Variants in ME1 observed in about 807,000 individuals in gnomAD.
ME1 encodes the protein malic enzyme 1.
Under a neutral mutation model 66.4 loss-of-function variants are expected in ME1, and 74 were observed. That is an observed-to-expected ratio of 1.11 (90% CI 0.92 to 1.35). The LOEUF (loss-of-function observed/expected upper bound fraction) is 1.35, where lower values mean the gene tolerates loss of function less well. ME1 is among the 40% of genes most tolerant of loss of function. ME1 has a pLI of 0.00. For synonymous variants in ME1, 251 were observed against 235.6 expected (o/e 1.07, Z -0.60); for missense variants, 750 against 694.1 (o/e 1.08, Z -0.90).
chr6:83,341,417 C>T (rs767348293), intron 5 of ME1, among the ~76,000 whole-genome samples: 41 of 152,044 alleles, frequency 2.7e-4, no homozygotes, highest in African/African-American at 8.2e-4. Flanking sequence ...AAGTTGGTTT[C>T]GGGAAGCTCT....
intron 7 of ME1, among the ~76,000 whole-genome samples, chr6:83,252,699 A>G (rs1019416284): frequency 5.3e-5 from 8 of 152,210 alleles, no homozygotes; most frequent in African/African-American, 1.7e-4. Flanking sequence ...ACCTAAGAAC[A>G]TACAGCAGAA....
chr6:83,288,601 T>C (rs1767441446), intron 6 of ME1, among the ~76,000 whole-genome samples: 1 of 152,196 alleles, frequency 6.6e-6, no homozygotes, highest in East Asian at 1.9e-4. Context: ...TGCCTCCAGC[T>C]TTGTTCTTCT....
chr6:83,332,038 A>G (rs1424082980), intron 5 of ME1, among the ~76,000 whole-genome samples: 10 of 152,230 alleles, frequency 6.6e-5, no homozygotes, highest in Admixed American at 2.6e-4. Context: ...GACATGTTCT[A>G]AAGAAAATTT....
chr6:83,430,988 G>T lies in ME1; in HGVS notation c.-34C>A. On this transcript the variant is annotated 5_prime_UTR_variant, in exon 1 of 14. Coordinates refer to ENST00000369705, the MANE Select transcript of ME1 (RefSeq NM_002395.6). Reference sequence around the variant, plus strand: ...CCGGGTTCGGCGGCGGGGTCAGGCCGGGGCGGGCCGCACGCGCGGTGCAGG... The same window carrying T: ...CCGGGTTCGGCGGCGGGGTCAGGCCTGGGCGGGCCGCACGCGCGGTGCAGG... 6.5e-6 allele frequency: 9 copies of T among 1,384,242 alleles called. No individual in the cohort carries two copies. The highest frequency in any genetic ancestry group is 8.6e-6 in the Non-Finnish European group (9 of 1,049,106). The allele number at this position is 1,384,242 out of a possible 1,614,324, so 85.7% of individuals were successfully genotyped here.
intron 1 of ME1, among the ~76,000 whole-genome samples, chr6:83,417,793 T>C (rs867741259): frequency 6.6e-5 from 10 of 152,200 alleles, no homozygotes; most frequent in Admixed American, 1.3e-4. Context: ...AAATATATTA[T>C]CTTGCTATAT....
At chr6:83,352,026 G>C (rs1014087656) in intron 4 of ME1, 38 bp downstream of exon 4, 1 of 1,371,090 alleles carries the variant, frequency 7.3e-7, no homozygotes, top group South Asian at 1.3e-5. Flanking sequence ...ACAGAAAAAA[G>C]AAAAAATTTG....
In ME1 at chr6:83,238,799, AATAT is replaced by A. The variant is rs34022791; in HGVS notation, c.912+736_912+739del. On this transcript the variant is annotated intron_variant, in intron 8 of 13. Coordinates refer to ENST00000369705, the MANE Select transcript of ME1 (RefSeq NM_002395.6). ...TTTGAAAATTTAAAGTTTCTTGAAA[AATAT>A]ATATATATATATATATAGCCACAAA... Among the ~76,000 whole-genome samples, 51 of 139,298 alleles carry A rather than the reference AATAT, an allele frequency of 3.7e-4. 3 individuals are homozygous for A. The highest frequency in any genetic ancestry group is 4.9e-4 in the Non-Finnish European group (31 of 63,570). The allele number at this position is 139,298 out of a possible 152,430, so 91.4% of individuals were successfully genotyped here.
chr6:83,394,483 T>C (rs1272905737), intron 3 of ME1, among the ~76,000 whole-genome samples: 1 of 152,200 alleles, frequency 6.6e-6, no homozygotes, highest in Admixed American at 6.5e-5. Flanking sequence ...CAACTATAGT[T>C]ACTTATCTAA....
At position 83,327,344 on chromosome 6, in the gene ME1, G is replaced by A. The variant is rs188085117; in HGVS notation, c.601-11931C>T. ...CCATTGGTGAGCTGGGCAGAACAGA[G>A]GCATATTTCTCTTCTTTCAAAAGCG... On this transcript the variant is annotated intron_variant, in intron 5 of 13. Transcript: ENST00000369705. Among the ~76,000 whole-genome samples, 416 of 152,274 alleles carry A rather than the reference G, an allele frequency of 2.7e-3. 1 individual carries two copies. The highest frequency in any genetic ancestry group is 0.014 in the Middle Eastern group (4 of 294).
Position 83,315,744 on chromosome 6 carries a change from A to C in ME1, c.601-331T>G, listed in dbSNP as rs190348483. Among the ~76,000 whole-genome samples the C allele has an allele frequency of 3.1e-3, 467 of 152,270 alleles. 2 individuals carry two copies. The highest frequency in any genetic ancestry group is 3.8e-3 in the Non-Finnish European group (261 of 68,002). On this transcript the variant is annotated intron_variant, in intron 5 of 13. Coordinates refer to ENST00000369705, the MANE Select transcript of ME1 (RefSeq NM_002395.6). ...GAAACCCTGTCTCTACAAAAGAACA[A>C]AAATTAGCTGGGTGTGGTGGTGTGC...
chr6:83,289,347 T>C (rs6899680), intron 6 of ME1, among the ~76,000 whole-genome samples: 8,587 of 152,180 alleles, frequency 0.056, 807 homozygotes, highest in African/African-American at 0.2. Flanking sequence ...TTATTGAGAG[T>C]TTTTAGCATG....
intron 1 of ME1, among the ~76,000 whole-genome samples, chr6:83,425,689 G>C (rs905439518): frequency 6.6e-6 from 1 of 152,094 alleles, no homozygotes; most frequent in Non-Finnish European, 1.5e-5. Flanking sequence ...ATTTGGGTAG[G>C]AACACAGACA....
intron 6 of ME1, among the ~76,000 whole-genome samples, chr6:83,293,345 C>A (rs959052593): frequency 1.1e-4 from 17 of 152,246 alleles, no homozygotes; most frequent in Admixed American, 5.2e-4. Context: ...CAGCATCGTA[C>A]AATGGATCTC....
intron 6 of ME1, among the ~76,000 whole-genome samples, chr6:83,266,630 T>C (rs967260710): frequency 1.2e-4 from 19 of 152,218 alleles, no homozygotes; most frequent in Non-Finnish European, 2.6e-4. Context: ...TCGTTTCCTC[T>C]CATATACTGA....
chr6:83,300,797 C>T (rs1273291525), intron 6 of ME1, among the ~76,000 whole-genome samples: 1 of 151,900 alleles, frequency 6.6e-6, no homozygotes, highest in Non-Finnish European at 1.5e-5. Context: ...GGAACCAACC[C>T]AAATGTCCAT....
At position 83,325,628 on chromosome 6, in the gene ME1, G is replaced by A. The variant is rs868141282; in HGVS notation, c.601-10215C>T. On this transcript the variant is annotated intron_variant, in intron 5 of 13. Transcript: ENST00000369705. ...CTCCCATTCACAATTGCTACTAAGAGAATAAAGTACCTAGGAATACAGTTA... is the reference window on the plus strand; with the variant it reads ...CTCCCATTCACAATTGCTACTAAGAAAATAAAGTACCTAGGAATACAGTTA... Among the ~76,000 whole-genome samples, 45 of 152,106 alleles carry A rather than the reference G, an allele frequency of 3.0e-4. 1 individual carries two copies. The highest frequency in any genetic ancestry group is 6.8e-3 in the Middle Eastern group (2 of 294).
At chr6:83,393,972 AG>A (rs953574014) in intron 3 of ME1, among the ~76,000 whole-genome samples, 1 of 152,042 alleles carries the variant, frequency 6.6e-6, no homozygotes, top group Admixed American at 6.6e-5. Context: ...CAAGGAAAAT[AG>A]TATGTATTGT....
At chr6:83,295,044 C>T (rs192102532) in intron 6 of ME1, among the ~76,000 whole-genome samples, 11 of 152,330 alleles carry the variant, frequency 7.2e-5, no homozygotes, top group Non-Finnish European at 1.5e-4. Flanking sequence ...GGGAGCATGG[C>T]TGCAACTGTG....
At chr6:83,421,026 G>T (rs1482267778) in intron 1 of ME1, among the ~76,000 whole-genome samples, 5 of 152,028 alleles carry the variant, frequency 3.3e-5, no homozygotes, top group Non-Finnish European at 7.4e-5. Flanking sequence ...AGACAGGGAG[G>T]GGGGGCCCAA....
Sources: allele counts gnomAD v4.1 joint callset (sites outside exome capture counted in the v4.1 genomes callset), GRCh38; gene constraint gnomAD v4.1.1; transcripts MANE v1.5; gene names NCBI Gene and HGNC (gene_info 2026-07-23, HGNC 2026-07-21).